MYO16: variants seen among roughly 807,000 people sequenced by gnomAD.
MYO16 encodes unconventional myosin-XVI.
MYO16 carries 94 observed loss-of-function variants against 205.3 expected under a neutral mutation model. That is an observed-to-expected ratio of 0.46 (90% CI 0.39 to 0.54). The LOEUF is 0.54. MYO16 is among the 20% of genes least tolerant of loss of function. The probability of loss-of-function intolerance (pLI) is 0.00; values close to 1 mark genes in which losing one functional copy is unlikely to be tolerated. For synonymous variants in MYO16, 988 were observed against 954.0 expected (o/e 1.04, Z -0.66); for missense variants, 2,315 against 2,387.5 (o/e 0.97, Z 0.63).
chr13:108,896,646 T>C (rs1880424887), intron 14 of MYO16, among the ~76,000 whole-genome samples: 1 of 152,224 alleles, frequency 6.6e-6, no homozygotes, highest in Admixed American at 6.5e-5. Flanking sequence ...AACACCTTAA[T>C]GTAGCAGATG....
chr13:109,174,902 C>T (rs1879095537), intron 33 of MYO16, among the ~76,000 whole-genome samples: 1 of 148,218 alleles, frequency 6.7e-6, no homozygotes. Flanking sequence ...CAGGCGCATG[C>T]CACCACATTT....
At chr13:108,510,459 CTGT>C in the MYO16 span, among the ~76,000 whole-genome samples, 2 of 25,396 alleles carry the variant, frequency 7.9e-5, no homozygotes, top group Non-Finnish European at 1.4e-4. Context: ...ACATTGATAG[CTGT>C]TTTTTTTTTT....
intron 16 of MYO16, among the ~76,000 whole-genome samples, chr13:108,957,448 G>T (rs9583314): frequency 0.039 from 5,926 of 151,124 alleles, 350 homozygotes; most frequent in African/African-American, 0.13. Context: ...AAGGAAAGGT[G>T]CAGCTAAGAT....
intron 22 of MYO16, among the ~76,000 whole-genome samples, chr13:109,009,624 G>A (rs1415331571): frequency 6.6e-6 from 1 of 152,050 alleles, no homozygotes; most frequent in East Asian, 1.9e-4. Context: ...CAGCAATTGC[G>A]ATGTACTAAT....
rs760176567 is a variant in MYO16, at chr13:109,140,701, G to T, written c.4489G>T (p.Ala1497Ser). 4.0e-6 allele frequency: 6 copies of T among 1,485,262 alleles called. No individual in the cohort carries two copies. The highest frequency in any genetic ancestry group is 5.4e-6 in the Non-Finnish European group (6 of 1,119,692). The allele number at this position is 1,485,262 out of a possible 1,614,324, so 92.0% of individuals were successfully genotyped here. A position where few individuals can be genotyped will look rare whatever the true frequency, so the allele number is the denominator to read the frequency against. The change falls in exon 32 of 35, where the codon GCG (alanine) becomes TCG (serine). Residue 1497 changes from alanine to serine, a missense_variant. By Grantham distance (99) the Ala-to-Ser change is moderately conservative. Transcript: ENST00000457511. The surrounding 1 kb of genome is among the most constrained non-coding windows in gnomAD (Gnocchi z 8.0). ...EDEAAGPPGD[A>S]CDIPPPFPNL... ...CGAGGCGGCGGGGCCCCCAGGGGACGCGTGCGACATCCCGCCGCCCTTCCC... is the reference window on the plus strand; with the variant it reads ...CGAGGCGGCGGGGCCCCCAGGGGACTCGTGCGACATCCCGCCGCCCTTCCC...
chr13:108,566,480 T>A, the MYO16 span, among the ~76,000 whole-genome samples: 2 of 151,844 alleles, frequency 1.3e-5, no homozygotes, highest in Non-Finnish European at 1.5e-5. Context: ...CAACTTTTTT[T>A]TTTTAGCCAG....
At chr13:108,611,318 C>T (rs1879164955) in intron 1 of MYO16, among the ~76,000 whole-genome samples, 1 of 152,008 alleles carries the variant, frequency 6.6e-6, no homozygotes, top group African/African-American at 2.4e-5. Flanking sequence ...AAAAATGAAT[C>T]AAATTAATCA....
chr13:108,630,225 T>A (rs545275846), intron 1 of MYO16, among the ~76,000 whole-genome samples: 1 of 152,002 alleles, frequency 6.6e-6, no homozygotes, highest in Non-Finnish European at 1.5e-5. Context: ...ATAAAGTACA[T>A]AAAAACTAAG....
chr13:109,081,364 T>C (rs1429353963), intron 27 of MYO16, among the ~76,000 whole-genome samples: 4 of 152,142 alleles, frequency 2.6e-5, no homozygotes, highest in African/African-American at 7.2e-5. Flanking sequence ...TCCATGAAAG[T>C]TATGCATTAG....
chr13:108,507,993 G>A, the MYO16 span, among the ~76,000 whole-genome samples: 7 of 151,028 alleles, frequency 4.6e-5, no homozygotes, highest in Non-Finnish European at 3.0e-5. Flanking sequence ...TTTTTTTAAT[G>A]TGTAATTCCT....
At chr13:108,818,109 C>T (rs753073588) in intron 7 of MYO16, among the ~76,000 whole-genome samples, 4 of 152,010 alleles carry the variant, frequency 2.6e-5, no homozygotes, top group African/African-American at 4.8e-5. Context: ...ACAGGCCAGG[C>T]TCGGTGGCTC....
intron 23 of MYO16, among the ~76,000 whole-genome samples, chr13:109,044,864 A>G (rs1044064992): frequency 2.0e-5 from 3 of 152,022 alleles, no homozygotes; most frequent in Admixed American, 6.6e-5. Flanking sequence ...TAATTTTTGT[A>G]TTTTTAGTAG....
chr13:108,819,064 C>T (rs1177973935), intron 7 of MYO16, among the ~76,000 whole-genome samples: 1 of 152,148 alleles, frequency 6.6e-6, no homozygotes, highest in African/African-American at 2.4e-5. Context: ...TATCTAGTCA[C>T]TTTGATGCTG....
chr13:108,748,846 G>C (rs1885142107), intron 4 of MYO16, among the ~76,000 whole-genome samples: 1 of 152,258 alleles, frequency 6.6e-6, no homozygotes, highest in Non-Finnish European at 1.5e-5. Flanking sequence ...ATGGACTTAA[G>C]CATAAAATGT....
At chr13:109,019,296 CTT>C (rs1453361091) in intron 22 of MYO16, among the ~76,000 whole-genome samples, 5 of 152,064 alleles carry the variant, frequency 3.3e-5, no homozygotes, top group African/African-American at 1.2e-4. Context: ...ATTTTTATGA[CTT>C]AACATCACGA....
intron 1 of MYO16, among the ~76,000 whole-genome samples, chr13:108,633,203 G>C (rs1286573355): frequency 6.6e-6 from 1 of 152,062 alleles, no homozygotes; most frequent in Non-Finnish European, 1.5e-5. Context: ...CTTTCTTGAG[G>C]GGCAGAACTA....
At chr13:109,142,404 G>A (rs958587257) in intron 32 of MYO16, among the ~76,000 whole-genome samples, 2 of 151,454 alleles carry the variant, frequency 1.3e-5, no homozygotes, top group African/African-American at 4.9e-5. Context: ...TCGCCTCCAG[G>A]TGAGGCAGGA....
chr13:108,499,180 G>GA, the MYO16 span, among the ~76,000 whole-genome samples: 1 of 152,024 alleles, frequency 6.6e-6, no homozygotes, highest in South Asian at 2.1e-4. Flanking sequence ...TTTTTCAAGA[G>GA]AATGTGCTAA....
intron 27 of MYO16, among the ~76,000 whole-genome samples, chr13:109,079,033 C>A (rs1748821648): frequency 7.3e-6 from 1 of 136,172 alleles, no homozygotes; most frequent in Non-Finnish European, 1.6e-5. Context: ...CAGCTGTCTC[C>A]TTTTTGATTC....
Sources: allele counts gnomAD v4.1 joint callset (sites outside exome capture counted in the v4.1 genomes callset), GRCh38; gene constraint gnomAD v4.1.1; non-coding constraint Gnocchi (gnomAD v3.1); transcripts MANE v1.5; gene names NCBI Gene and HGNC (gene_info 2026-07-23, HGNC 2026-07-21).